MYO10: variants seen among roughly 807,000 people sequenced by gnomAD.
MYO10 encodes the protein unconventional myosin-X.
MYO10 carries 133 observed loss-of-function variants against 257.3 expected under a neutral mutation model. The ratio of observed to expected loss-of-function variants is 0.52; its 90% CI spans 0.45 to 0.60. The LOEUF is 0.60. MYO10 is among the 20% of genes least tolerant of loss of function. The pLI is 0.00. For synonymous variants in MYO10, 1,104 were observed against 1,028.6 expected, an observed-to-expected ratio of 1.07 and a Z score of -1.40; for missense variants, 2,399 against 2,635.7, an observed-to-expected ratio of 0.91 and a Z score of 1.97.
At chr5:16,698,859 A>G (rs1439042667) in intron 26 of MYO10, among the ~76,000 whole-genome samples, 1 of 143,628 alleles carries the variant, frequency 7.0e-6, no homozygotes, top group Non-Finnish European at 1.5e-5. Flanking sequence ...TCCTGACCTC[A>G]TGATCCACCC....
intron 3 of MYO10, among the ~76,000 whole-genome samples, chr5:16,797,072 A>G (rs1256262970): frequency 6.6e-6 from 1 of 152,244 alleles, no homozygotes; most frequent in Non-Finnish European, 1.5e-5. Context: ...TTTTATATTC[A>G]TAGTATCAGC....
intron 3 of MYO10, among the ~76,000 whole-genome samples, chr5:16,800,617 G>A (rs1209492275): frequency 1.3e-5 from 2 of 152,160 alleles, no homozygotes; most frequent in Non-Finnish European, 2.9e-5. Flanking sequence ...CACAGCAAGT[G>A]AGGAAGACTC....
At position 16,694,510 on chromosome 5, in the gene MYO10, T is replaced by C; in HGVS notation, c.3661A>G (p.Lys1221Glu). 6.2e-7 allele frequency: 1 copy of C among 1,613,998 alleles called. No individual in the cohort carries two copies. The highest frequency in any genetic ancestry group is 8.5e-7 in the Non-Finnish European group (1 of 1,179,880). Residue 1221 changes from lysine to glutamate, a missense_variant, in exon 27 of 41, where the codon AAA becomes GAA. Transcript: ENST00000513610. Reference sequence around the variant, plus strand: ...AGCGTGGAGGAGCCCCCCCCTTTTTTGTGGAGCCAGCCTTGCTTGAGGGCC... The same window carrying C: ...AGCGTGGAGGAGCCCCCCCCTTTTTCGTGGAGCCAGCCTTGCTTGAGGGCC... ...QEALKQGWLH[K>E]KGGGSSTLSR...
At chr5:16,707,783 G>A (rs925606618) in intron 21 of MYO10, among the ~76,000 whole-genome samples, 3 of 152,194 alleles carry the variant, frequency 2.0e-5, no homozygotes, top group Non-Finnish European at 2.9e-5. Flanking sequence ...TGAAGCATCC[G>A]ACAGGCCGCT....
intron 19 of MYO10, among the ~76,000 whole-genome samples, chr5:16,714,358 T>A (rs1253270205): frequency 6.6e-6 from 1 of 150,646 alleles, no homozygotes; most frequent in East Asian, 1.9e-4. Flanking sequence ...CAGGATGGGA[T>A]GGAACAGAGG....
chr5:16,712,595 C>T (rs1738671373), intron 19 of MYO10, among the ~76,000 whole-genome samples: 1 of 152,190 alleles, frequency 6.6e-6, no homozygotes, highest in Non-Finnish European at 1.5e-5. Flanking sequence ...GTCATTAACA[C>T]AGAATTAGGC....
At chr5:16,810,841 C>T (rs970337658) in intron 3 of MYO10, among the ~76,000 whole-genome samples, 2 of 151,942 alleles carry the variant, frequency 1.3e-5, no homozygotes, top group East Asian at 1.9e-4. Context: ...GAGGCCAAGG[C>T]GGGTGGATCT....
In MYO10 at chr5:16,764,249, C is replaced by T; in HGVS notation, c.1326+1G>A. Reference sequence around the variant, plus strand: ...ACGTGCTGCACTGTTAGGAAACCTACCTCAAAGTTTTCAAATCCAAAGATG... The same window carrying T: ...ACGTGCTGCACTGTTAGGAAACCTATCTCAAAGTTTTCAAATCCAAAGATG... On this transcript the variant is annotated splice_donor_variant, in intron 12 of 40. Coordinates refer to ENST00000513610, the MANE Select transcript of MYO10 (RefSeq NM_012334.3). LOFTEE classifies it high-confidence loss of function. 6.2e-7 allele frequency: 1 copy of T among 1,613,874 alleles called. No homozygotes were observed. Among genetic ancestry groups the T allele is most frequent in the Non-Finnish European group, 8.5e-7 (1 of 1,179,838 alleles).
At chr5:16,861,622 T>G (rs963852575) in intron 2 of MYO10, among the ~76,000 whole-genome samples, 1 of 152,040 alleles carries the variant, frequency 6.6e-6, no homozygotes, top group East Asian at 1.9e-4. Context: ...AGAAGTGGCA[T>G]GAGAACCTTC....
intron 3 of MYO10, chr5:16,815,401 C>G (rs1209156656): frequency 1.0e-5 from 7 of 695,496 alleles, no homozygotes; most frequent in Non-Finnish European, 1.8e-5. Context: ...TGCAAAATGT[C>G]TTGGATTTTG....
intron 27 of MYO10, 130 bp downstream of exon 27, chr5:16,694,241 A>T: frequency 7.2e-7 from 1 of 1,394,086 alleles, no homozygotes; most frequent in Non-Finnish European, 9.8e-7. Context: ...AATTTAACCT[A>T]CTGAACTGAA....
At chr5:16,802,499 A>G (rs1742149416) in intron 3 of MYO10, among the ~76,000 whole-genome samples, 1 of 151,880 alleles carries the variant, frequency 6.6e-6, no homozygotes, top group Non-Finnish European at 1.5e-5. Context: ...TCTACTAAAA[A>G]TACAAAAATT....
chr5:16,678,767 A>G (rs1402733016), intron 33 of MYO10, among the ~76,000 whole-genome samples: 1 of 152,184 alleles, frequency 6.6e-6, no homozygotes, highest in Non-Finnish European at 1.5e-5. Flanking sequence ...CTGGTTAGCT[A>G]ATTTCCTTTG....
At chr5:16,687,754 A>C (rs537487688) in intron 28 of MYO10, among the ~76,000 whole-genome samples, 11 of 152,228 alleles carry the variant, frequency 7.2e-5, no homozygotes, top group African/African-American at 2.4e-4. Flanking sequence ...AAAACACTTT[A>C]ATATAAATTT....
chr5:16,748,621 AGAGGGAGG>A (rs34338717), intron 19 of MYO10, among the ~76,000 whole-genome samples: 9 of 135,510 alleles, frequency 6.6e-5, no homozygotes, highest in South Asian at 5.2e-4. Context: ...AGAGAGGGAG[AGAGGGAGG>A]GAGGGAGGGA....
chr5:16,870,565 C>A (rs1744424415), intron 2 of MYO10, among the ~76,000 whole-genome samples: 1 of 151,504 alleles, frequency 6.6e-6, no homozygotes, highest in African/African-American at 2.4e-5. Context: ...TTTGTAAACT[C>A]TTTGTGGATT....
intron 19 of MYO10, among the ~76,000 whole-genome samples, chr5:16,721,447 A>T (rs1739148393): frequency 7.2e-6 from 1 of 139,006 alleles, no homozygotes; most frequent in Non-Finnish European, 1.5e-5. Flanking sequence ...TACTTACATC[A>T]GTCATTTCAC....
rs1380695684 is a variant in MYO10, at chr5:16,892,961, C to T, written c.22-15254G>A. Among the ~76,000 whole-genome samples, 4 of 151,854 alleles carry T rather than the reference C, an allele frequency of 2.6e-5. No individual in the cohort carries two copies. The East Asian group carries it at 5.8e-4, about 22-fold the overall frequency. ...CTGTAATCCCACCACTTTGGGAGGC[C>T]GAGGCGGGCAGATCACGAGGTCAGG... On this transcript the variant is annotated intron_variant, in intron 1 of 40. Transcript: ENST00000513610.
At chr5:16,929,565 C>T (rs1340013481) in intron 1 of MYO10, among the ~76,000 whole-genome samples, 1 of 152,190 alleles carries the variant, frequency 6.6e-6, no homozygotes, top group Non-Finnish European at 1.5e-5. Flanking sequence ...CTTAACCTCT[C>T]TGTGCCTCAC....
Sources: gnomAD v4.1 joint callset for allele counts (sites outside exome capture counted in the v4.1 genomes callset) on GRCh38, gnomAD v4.1.1 for gene constraint, MANE v1.5 for transcripts, NCBI Gene and HGNC (gene_info 2026-07-23, HGNC 2026-07-21) for gene names.